DGKI: variants seen among roughly 807,000 people sequenced by gnomAD.
The protein encoded by DGKI is DAG kinase iota.
Under a neutral mutation model 147.5 loss-of-function variants are expected in DGKI, and 55 were observed. The ratio of observed to expected loss-of-function variants is 0.37; its 90% CI spans 0.30 to 0.47. The LOEUF (loss-of-function observed/expected upper bound fraction) is 0.47. Among genes scored for constraint, DGKI ranks in the 20% least tolerant of loss-of-function variants. The pLI is 1.00. For synonymous variants in DGKI, 469 were observed against 477.1 expected (o/e 0.98, Z 0.22); for missense variants, 1,007 against 1,323.8 (o/e 0.76, Z 3.71).
intron 20 of DGKI, among the ~76,000 whole-genome samples, chr7:137,551,063 G>T (rs1585222180): frequency 1.3e-5 from 2 of 152,152 alleles, no homozygotes; most frequent in East Asian, 3.9e-4. Context: ...GAATGAGCGA[G>T]GAGTTTCACT....
Position 137,465,983 on chromosome 7 carries a change from T to C in DGKI, c.2537A>G (p.Asp846Gly). ...EISQDEIFIL[D>G]PDMVVSQPAG... ...CGGCTGTGACACCACCATATCTGGG[T>C]CCAGAATAAAAATCTCATCTTGGGA... Residue 846 changes from aspartate to glycine, a missense_variant, in exon 26 of 33, where the codon GAC (aspartate) becomes GGC (glycine). By Grantham distance (94) the Asp-to-Gly change is moderately conservative (BLOSUM62 -1). This residue lies in a region of DGKI where 385 missense variants were observed against 445.2 expected (regional missense o/e 0.86). Coordinates refer to ENST00000614521, the MANE Select transcript of DGKI (RefSeq NM_001321708.2). 1 of 1,614,152 alleles carries C rather than the reference T, an allele frequency of 6.2e-7. No homozygotes were observed. The highest frequency in any genetic ancestry group is 8.5e-7 in the Non-Finnish European group (1 of 1,179,992).
chr7:137,381,542 G>A lies in DGKI; in HGVS notation c.*9678C>T, dbSNP rs1811061076. On this transcript the variant is annotated 3_prime_UTR_variant, in exon 33 of 33. Coordinates refer to ENST00000614521, the MANE Select transcript of DGKI (RefSeq NM_001321708.2). ...TTGCGAGTGGAATACCCACAGCCAA[G>A]GGTACCCTGGATGCCTGGGAACGTT... 1 of 151,628 alleles carries A rather than the reference G, an allele frequency of 6.6e-6. No individual in the cohort carries two copies. The highest frequency in any genetic ancestry group is 1.5e-5 in the Non-Finnish European group (1 of 67,916). 9.4% of individuals were successfully genotyped at this position (151,628 alleles called of 1,614,324 possible).
At chr7:137,824,530 GA>G (rs1287375773) in intron 1 of DGKI, among the ~76,000 whole-genome samples, 6 of 41,376 alleles carry the variant, frequency 1.5e-4, no homozygotes, top group African/African-American at 7.0e-4. Context: ...AAAAAAAAAA[GA>G]AAAAGAAAAG....
At chr7:137,747,330 G>A (rs548250502) in intron 1 of DGKI, among the ~76,000 whole-genome samples, 1 of 152,172 alleles carries the variant, frequency 6.6e-6, no homozygotes, top group Non-Finnish European at 1.5e-5. Context: ...TATGTAATGT[G>A]TAACTTCATT....
chr7:137,486,742 G>A (rs936129623), intron 22 of DGKI, among the ~76,000 whole-genome samples: 2 of 152,216 alleles, frequency 1.3e-5, no homozygotes, highest in South Asian at 2.1e-4. Flanking sequence ...TTACAACTCA[G>A]AGGGATTTTA....
chr7:137,453,776 G>A (rs1322991845), intron 27 of DGKI, among the ~76,000 whole-genome samples: 2 of 152,092 alleles, frequency 1.3e-5, no homozygotes, highest in African/African-American at 4.8e-5. Flanking sequence ...TTTCCAGCAT[G>A]TAAATAATAA....
At chr7:137,807,992 T>A (rs1473658017) in intron 1 of DGKI, among the ~76,000 whole-genome samples, 2 of 152,244 alleles carry the variant, frequency 1.3e-5, no homozygotes, top group Admixed American at 1.3e-4. Context: ...TCTTGGGATT[T>A]ATTGATTCTC....
At chr7:137,473,110 T>C (rs1272119222) in intron 23 of DGKI, among the ~76,000 whole-genome samples, 3 of 152,092 alleles carry the variant, frequency 2.0e-5, no homozygotes, top group Non-Finnish European at 4.4e-5. Flanking sequence ...ATGGTATATA[T>C]CTTTTTATGT....
At chr7:137,436,893 A>G (rs1322555306) in intron 28 of DGKI, among the ~76,000 whole-genome samples, 1 of 152,216 alleles carries the variant, frequency 6.6e-6, no homozygotes, top group African/African-American at 2.4e-5. Flanking sequence ...CCAAGGGGAA[A>G]AAAATTGTCA....
At chr7:137,789,643 G>A (rs1332081993) in intron 1 of DGKI, among the ~76,000 whole-genome samples, 2 of 152,146 alleles carry the variant, frequency 1.3e-5, no homozygotes, top group African/African-American at 4.8e-5. Flanking sequence ...AACATCAGCT[G>A]GAACACTTGG....
At chr7:137,585,819 TC>T (rs1211451071) in intron 13 of DGKI, among the ~76,000 whole-genome samples, 1 of 152,184 alleles carries the variant, frequency 6.6e-6, no homozygotes, top group East Asian at 1.9e-4. Flanking sequence ...ACACCATTCT[TC>T]CCGTGACCTG....
chr7:137,466,805 G>A (rs1015178773), intron 25 of DGKI, 97 bp downstream of exon 25: 34 of 1,262,116 alleles, frequency 2.7e-5, no homozygotes, highest in Middle Eastern at 3.7e-4. Flanking sequence ...TTGTGTCTCA[G>A]TGGTTTTCGT....
At chr7:137,492,400 G>A (rs187072915) in intron 21 of DGKI, among the ~76,000 whole-genome samples, 66 of 152,228 alleles carry the variant, frequency 4.3e-4, no homozygotes, top group African/African-American at 1.6e-3. Flanking sequence ...ATTGAGAATG[G>A]CTAGAGAAAG....
At chr7:137,512,763 A>G (rs1816620736) in intron 21 of DGKI, among the ~76,000 whole-genome samples, 1 of 152,224 alleles carries the variant, frequency 6.6e-6, no homozygotes, top group Non-Finnish European at 1.5e-5. Flanking sequence ...AACTTCTAAT[A>G]TAGCACAGCA....
chr7:137,581,795 A>C (rs781759774), intron 15 of DGKI, 55 bp downstream of exon 15: 1 of 1,477,398 alleles, frequency 6.8e-7, no homozygotes, highest in East Asian at 2.3e-5. Flanking sequence ...GGAACATGCA[A>C]AACACCTGCT....
intron 5 of DGKI, among the ~76,000 whole-genome samples, chr7:137,648,375 CA>C (rs1821906149): frequency 6.6e-6 from 1 of 152,202 alleles, no homozygotes; most frequent in African/African-American, 2.4e-5. Context: ...AGTCAGCCAA[CA>C]CTGTCCATAA....
At position 137,626,322 on chromosome 7, in the gene DGKI, GACACACACACACACACAC is replaced by G. The variant is rs111591226; in HGVS notation, c.805-2786_805-2769del. 2.7e-4 allele frequency among the ~76,000 whole-genome samples: 37 copies of G among 139,136 alleles called. 2 individuals carry two copies. The highest frequency in any genetic ancestry group is 3.6e-3 in the Middle Eastern group (1 of 274). The allele number at this position is 139,136 out of a possible 152,430, so 91.3% of individuals were successfully genotyped here. The stretch of plus-strand genomic sequence containing the variant: ...TCCCAAGAAGAAAAAAAGTGCTTCT[GACACACACACACACACAC>G]ACACACACACACACACACACACACG... On this transcript the variant is annotated intron_variant, in intron 6 of 32. Transcript: ENST00000614521.
chr7:137,517,361 G>T (rs913262118), intron 21 of DGKI, among the ~76,000 whole-genome samples: 2 of 121,522 alleles, frequency 1.6e-5, no homozygotes, highest in Non-Finnish European at 3.3e-5. Context: ...AAGAAGGAAA[G>T]AAAGAGGGAG....
At chr7:137,426,298 T>C (rs1812802094) in intron 28 of DGKI, among the ~76,000 whole-genome samples, 2 of 152,096 alleles carry the variant, frequency 1.3e-5, no homozygotes, top group South Asian at 4.1e-4. Flanking sequence ...CCAGCCAAAC[T>C]AAGCTTCATA....
Sources: allele counts gnomAD v4.1 joint callset (sites outside exome capture counted in the v4.1 genomes callset), GRCh38; gene constraint gnomAD v4.1.1; regional missense constraint gnomAD v4.1.1; transcripts MANE v1.5; gene names NCBI Gene and HGNC (gene_info 2026-07-23, HGNC 2026-07-21).